CFAP54: variants seen among roughly 807,000 people sequenced by gnomAD.
The protein encoded by CFAP54 is cilia- and flagella-associated protein 54.
In CFAP54, 290 loss-of-function variants were observed where a neutral mutation model predicts 370.4. That is an observed-to-expected ratio of 0.78 (90% CI 0.71 to 0.86). The LOEUF is 0.86. Ranked by LOEUF, CFAP54 falls within the 40% of genes least tolerant of loss-of-function variation. The probability of loss-of-function intolerance (pLI) is 0.00; values close to 1 mark genes in which losing one functional copy is unlikely to be tolerated. For missense variants in CFAP54, 3,399 were observed against 3,528.7 expected (o/e 0.96, Z 0.93); for synonymous variants, 1,206 against 1,236.5 (o/e 0.98, Z 0.52).
intron 20 of CFAP54, among the ~76,000 whole-genome samples, chr12:96,580,043 C>A (rs1168047598): frequency 2.0e-5 from 3 of 151,370 alleles, no homozygotes; most frequent in African/African-American, 7.3e-5. Flanking sequence ...TTCTTCTAGG[C>A]TTTTTCATAT....
At chr12:96,791,106 A>T (rs1006423891) in intron 62 of CFAP54, among the ~76,000 whole-genome samples, 3 of 151,998 alleles carry the variant, frequency 2.0e-5, no homozygotes, top group African/African-American at 7.2e-5. Context: ...AGAGGGACCA[A>T]TTCCCAGCTG....
chr12:96,752,309 G>T (rs1958195808), intron 55 of CFAP54, among the ~76,000 whole-genome samples: 1 of 152,098 alleles, frequency 6.6e-6, no homozygotes, highest in Non-Finnish European at 1.5e-5. Context: ...TTATTTTTTA[G>T]CATTTAGTAG....
chr12:96,527,808 T>A (rs1955399994), intron 9 of CFAP54, among the ~76,000 whole-genome samples: 1 of 152,108 alleles, frequency 6.6e-6, no homozygotes, highest in Non-Finnish European at 1.5e-5. Flanking sequence ...GGACAAGCAG[T>A]CCACCCATCT....
intron 67 of CFAP54, among the ~76,000 whole-genome samples, chr12:96,867,889 A>G (rs534451435): frequency 6.6e-6 from 1 of 152,300 alleles, no homozygotes; most frequent in South Asian, 2.1e-4. Context: ...CTGAGAGAAG[A>G]TCTTAACTGT....
chr12:96,857,162 C>A (rs1203903188), intron 66 of CFAP54, among the ~76,000 whole-genome samples: 1 of 152,176 alleles, frequency 6.6e-6, no homozygotes, highest in African/African-American at 2.4e-5. Flanking sequence ...TTACCTCCCA[C>A]CGGGTCCCTC....
chr12:96,556,209 A>G (rs762527233), intron 17 of CFAP54, among the ~76,000 whole-genome samples: 24 of 152,018 alleles, frequency 1.6e-4, no homozygotes, highest in Non-Finnish European at 3.1e-4. Flanking sequence ...GATCTTCTTA[A>G]ACAAGATTCA....
chr12:96,757,773 G>C (rs898783228), intron 58 of CFAP54, among the ~76,000 whole-genome samples, 185 bp downstream of exon 58: 2 of 152,006 alleles, frequency 1.3e-5, no homozygotes, highest in African/African-American at 4.8e-5. Flanking sequence ...TTTATATAGG[G>C]CTTTGGAAAT....
At chr12:96,661,667 C>T (rs1055922077) in intron 38 of CFAP54, among the ~76,000 whole-genome samples, 1 of 152,150 alleles carries the variant, frequency 6.6e-6, no homozygotes, top group Non-Finnish European at 1.5e-5. Flanking sequence ...GAGTAATCTC[C>T]CTTGTTTAAA....
chr12:96,795,595 C>T (rs1303190899), intron 63 of CFAP54, among the ~76,000 whole-genome samples: 1 of 151,966 alleles, frequency 6.6e-6, no homozygotes, highest in African/African-American at 2.4e-5. Context: ...CACCCAGCTC[C>T]CACATGGCCC....
chr12:96,534,927 A>G (rs1462260898), intron 11 of CFAP54, among the ~76,000 whole-genome samples: 1 of 152,040 alleles, frequency 6.6e-6, no homozygotes, highest in Non-Finnish European at 1.5e-5. Flanking sequence ...TTTTGGACAT[A>G]GCATACAAAT....
intron 66 of CFAP54, among the ~76,000 whole-genome samples, chr12:96,842,279 A>G (rs1959226901): frequency 6.6e-6 from 1 of 152,226 alleles, no homozygotes; most frequent in Non-Finnish European, 1.5e-5. Flanking sequence ...AAGAAATAAT[A>G]CAGTTACTGT....
At chr12:96,831,116 C>T (rs1035280746) in intron 66 of CFAP54, among the ~76,000 whole-genome samples, 2 of 152,170 alleles carry the variant, frequency 1.3e-5, no homozygotes, top group Non-Finnish European at 2.9e-5. Flanking sequence ...TCTCCTTTAG[C>T]AAAATGGTAT....
chr12:96,803,967 A>C (rs1284247455), intron 63 of CFAP54, among the ~76,000 whole-genome samples: 3 of 152,280 alleles, frequency 2.0e-5, no homozygotes, highest in Non-Finnish European at 4.4e-5. Flanking sequence ...TGCAGGAAAA[A>C]TCTGAAAACC....
rs71068819 is a variant in CFAP54, at chr12:96,621,875, GTTTTTTTTTT to G, written c.3771+177_3771+186del. On this transcript the variant is annotated intron_variant, in intron 27 of 67. Coordinates refer to ENST00000524981, the MANE Select transcript of CFAP54 (RefSeq NM_001306084.2). ...ATTATAGTAAAGAGCTTTTGGGTTT[GTTTTTTTTTT>G]TTTTTTTTTTTTTTTTTTTTTTAGT... is the stretch of plus-strand genomic sequence containing the variant. Among the ~76,000 whole-genome samples the G allele has an allele frequency of 5.0e-3, 252 of 50,054 alleles. 1 individual carries two copies. Among genetic ancestry groups the G allele is most frequent in the African/African-American group, 0.02 (232 of 11,636 alleles). 32.8% of individuals were successfully genotyped at this position (50,054 alleles called of 152,430 possible). A position where few individuals can be genotyped will look rare whatever the true frequency, so the allele number is the denominator to read the frequency against.
chr12:96,505,723 G>A (rs562870552), intron 3 of CFAP54, among the ~76,000 whole-genome samples: 4 of 151,828 alleles, frequency 2.6e-5, no homozygotes, highest in Non-Finnish European at 5.9e-5. Flanking sequence ...GGCTGGTCTC[G>A]AACTCCTGAC....
At chr12:96,635,388 C>T (rs1490765536) in intron 32 of CFAP54, among the ~76,000 whole-genome samples, 1 of 152,036 alleles carries the variant, frequency 6.6e-6, no homozygotes, top group Non-Finnish European at 1.5e-5. Flanking sequence ...TACATTATTA[C>T]ATAAATGTTA....
chr12:96,797,749 C>T (rs932012810), intron 63 of CFAP54, among the ~76,000 whole-genome samples: 11 of 151,836 alleles, frequency 7.2e-5, no homozygotes, highest in Non-Finnish European at 1.3e-4. Context: ...TTCCATGTAC[C>T]TGTGTTTAAA....
At position 96,591,463 on chromosome 12, in the gene CFAP54, G is replaced by A. The variant is rs568593952; in HGVS notation, c.3213-1027G>A. ...GGGAGGCAGGCTGAAGGAAAGAATTGTGGAGTGTGGAGAAAAGGCAGCCAG... is the reference window on the plus strand; with the variant it reads ...GGGAGGCAGGCTGAAGGAAAGAATTATGGAGTGTGGAGAAAAGGCAGCCAG... On this transcript the variant is annotated intron_variant, in intron 23 of 67. Transcript: ENST00000524981. Among the ~76,000 whole-genome samples, 9 of 152,278 alleles carry A rather than the reference G, an allele frequency of 5.9e-5. No homozygotes were observed. The East Asian group carries it at 1.5e-3, about 26-fold the overall frequency.
intron 22 of CFAP54, 100 bp downstream of exon 22, chr12:96,581,205 T>A: frequency 1.2e-6 from 1 of 809,622 alleles, no homozygotes; most frequent in South Asian, 3.1e-5. Flanking sequence ...GCAGATATTC[T>A]AAAGCTCCTA....
Sources: allele counts gnomAD v4.1 joint callset (sites outside exome capture counted in the v4.1 genomes callset), GRCh38; gene constraint gnomAD v4.1.1; transcripts MANE v1.5; gene names NCBI Gene and HGNC (gene_info 2026-07-23, HGNC 2026-07-21).